Variants in U2SURP observed in about 807,000 individuals in gnomAD.
The protein encoded by U2SURP is U2 snRNP-associated SURP motif-containing protein.
A neutral mutation model predicts 144.9 loss-of-function variants in U2SURP; 9 were observed. That is an observed-to-expected ratio of 0.06 (90% confidence interval 0.04 to 0.11). The LOEUF is 0.11. Among genes scored for constraint, U2SURP ranks in the 10% least tolerant of loss-of-function variants. The probability of loss-of-function intolerance (pLI) is 1.00; values close to 1 mark genes in which losing one functional copy is unlikely to be tolerated. For missense variants in U2SURP, 724 were observed against 1,226.7 expected, an observed-to-expected ratio of 0.59 and a Z score of 6.12; for synonymous variants, 408 against 396.8, an observed-to-expected ratio of 1.03 and a Z score of -0.33.
chr3:143,010,774 A>T, intron 1 of U2SURP, 41 bp from the exon 2 acceptor site: 2 of 1,513,776 alleles, frequency 1.3e-6, no homozygotes, highest in Non-Finnish European at 9.1e-7. Context: ...TGTTAGTATA[A>T]GACATTTTAA....
chr3:143,014,255 A>G (rs1299367930), intron 3 of U2SURP, 56 bp from the exon 4 acceptor site: 1 of 1,205,128 alleles, frequency 8.3e-7, no homozygotes, highest in Non-Finnish European at 1.2e-6. Flanking sequence ...GATGTGTATT[A>G]AAGTTTTAGA....
At chr3:143,047,655 C>T (rs559686626) in intron 24 of U2SURP, among the ~76,000 whole-genome samples, 110 of 41,966 alleles carry the variant, frequency 2.6e-3, no homozygotes, top group East Asian at 2.8e-3. Flanking sequence ...CCGGACGGGG[C>T]GGCTGGCCGG....
intron 26 of U2SURP, 48 bp downstream of exon 26, chr3:143,053,842 C>T: frequency 3.5e-6 from 5 of 1,427,600 alleles, no homozygotes; most frequent in Non-Finnish European, 3.8e-6. Context: ...TCAAGATTTG[C>T]AGTGGTGTTT....
chr3:143,028,689 TG>T, intron 16 of U2SURP, 43 bp downstream of exon 16: 2 of 1,492,582 alleles, frequency 1.3e-6, no homozygotes, highest in Non-Finnish European at 1.8e-6. Flanking sequence ...GAAAAGTAAC[TG>T]TAATGGTTGC....
At position 143,043,672 on chromosome 3, in the gene U2SURP, A is replaced by C. The variant is rs550879072; in HGVS notation, c.2544+396A>C. 1.6e-4 allele frequency among the ~76,000 whole-genome samples: 24 copies of C among 152,086 alleles called. No homozygotes were observed. The South Asian group carries it at 5.0e-3, about 32-fold the overall frequency. On this transcript the variant is annotated intron_variant, in intron 24 of 27. Transcript: ENST00000473835. ...TCATTGTATGTCTAATACATGACAC[A>C]TAGGAGATCCTCTGAAGAAATGGAT...
At chr3:143,043,345 C>T in intron 24 of U2SURP, 69 bp downstream of exon 24, 3 of 1,479,778 alleles carry the variant, frequency 2.0e-6, no homozygotes, top group Non-Finnish European at 2.7e-6. Context: ...ACTAAGTTGC[C>T]TCTTTGCATT....
At chr3:143,017,463 G>A (rs1282786417) in intron 6 of U2SURP, 2 of 151,982 alleles carry the variant, frequency 1.3e-5, no homozygotes, top group East Asian at 1.9e-4. Flanking sequence ...GGAGATGGTA[G>A]ACAGATGTGG....
At chr3:143,013,054 T>G (rs1054716583) in intron 3 of U2SURP, among the ~76,000 whole-genome samples, 2 of 152,140 alleles carry the variant, frequency 1.3e-5, no homozygotes, top group African/African-American at 4.8e-5. Flanking sequence ...GTTATAAATT[T>G]TTTTTCATTT....
chr3:143,040,972 T>C (rs1934071074), intron 23 of U2SURP, among the ~76,000 whole-genome samples: 1 of 151,866 alleles, frequency 6.6e-6, no homozygotes, highest in Non-Finnish European at 1.5e-5. Context: ...TTATGCCATT[T>C]TAATCTGTTT....
chr3:143,033,830 T>C (rs1377156200), intron 18 of U2SURP, among the ~76,000 whole-genome samples: 3 of 152,180 alleles, frequency 2.0e-5, no homozygotes, highest in Non-Finnish European at 2.9e-5. Context: ...AAAAATTGGC[T>C]TACACTTAAG....
At chr3:143,051,614 A>G (rs944607528) in intron 25 of U2SURP, among the ~76,000 whole-genome samples, 1 of 151,138 alleles carries the variant, frequency 6.6e-6, no homozygotes, top group African/African-American at 2.4e-5. Flanking sequence ...AAAAAAAAAA[A>G]AAAAAAAGAA....
chr3:143,045,120 C>T (rs1934354849), intron 24 of U2SURP, among the ~76,000 whole-genome samples: 1 of 152,112 alleles, frequency 6.6e-6, no homozygotes, highest in African/African-American at 2.4e-5. Flanking sequence ...CCTGTAATCC[C>T]AGCACTTTGG....
At position 143,038,039 on chromosome 3, in the gene U2SURP, T is replaced by G. The variant is rs1326114962; in HGVS notation, c.2222-69T>G. On this transcript the variant is annotated intron_variant, in intron 21 of 27. Transcript: ENST00000473835. The stretch of plus-strand genomic sequence containing the variant: ...CTTTGCTTTTTAATAATATGGTGAA[T>G]ACCCATGAATGTAATACTTCGGGTC... 1.7e-5 allele frequency: 18 copies of G among 1,078,028 alleles called. No individual in the cohort carries two copies. The East Asian group carries it at 4.5e-4, about 27-fold the overall frequency. 66.8% of individuals were successfully genotyped at this position (1,078,028 alleles called of 1,614,324 possible).
intron 3 of U2SURP, among the ~76,000 whole-genome samples, chr3:143,013,812 T>C (rs1383071177): frequency 2.0e-5 from 3 of 152,056 alleles, no homozygotes; most frequent in South Asian, 2.1e-4. Flanking sequence ...TTCATAAATA[T>C]CAGTATTATT....
intron 25 of U2SURP, among the ~76,000 whole-genome samples, chr3:143,053,019 A>G (rs1934966992): frequency 6.9e-6 from 1 of 143,990 alleles, no homozygotes; most frequent in South Asian, 2.2e-4. Context: ...TAAAATTTGC[A>G]GTGTAATTGG....
In U2SURP at chr3:143,007,477, GCT is replaced by G. The variant is rs1422172752; in HGVS notation, c.46-3335_46-3334del. Among the ~76,000 whole-genome samples the G allele has an allele frequency of 3.7e-5, 5 of 133,988 alleles. No individual in the cohort carries two copies. The Admixed American group carries it at 4.2e-4, about 11-fold the overall frequency. 87.9% of individuals were successfully genotyped at this position (133,988 alleles called of 152,430 possible). On this transcript the variant is annotated intron_variant, in intron 1 of 27. Coordinates refer to ENST00000473835, the MANE Select transcript of U2SURP (RefSeq NM_001080415.2). ...TTTTTTTTTTTTGAGACAGAGTCTC[GCT>G]CTGTCGCCCAGGCCTGCAGTAGTGC...
In U2SURP at chr3:143,037,452, A is replaced by G. The variant is rs750196052; in HGVS notation, c.2221+117A>G. The G allele has an allele frequency of 1.5e-5, 14 of 962,392 alleles. No individual in the cohort carries two copies. In the African/African-American group the frequency reaches 1.5e-4, roughly 10 times the overall value. 59.6% of individuals were successfully genotyped at this position (962,392 alleles called of 1,614,324 possible). A position where few individuals can be genotyped will look rare whatever the true frequency, so the allele number is the denominator to read the frequency against. ...TAGTTTCTCATGAACGTATCAAGTT[A>G]TTAACTTTTCTATTTCTGATTTTTT... On this transcript the variant is annotated intron_variant, in intron 21 of 27. Transcript: ENST00000473835.
rs1169149999 is a variant in U2SURP, at chr3:143,056,202, A to G, written c.2952-110A>G. 4.4e-6 allele frequency: 5 copies of G among 1,125,048 alleles called. No individual in the cohort carries two copies. The Admixed American group carries it at 1.4e-4, about 31-fold the overall frequency. The allele number at this position is 1,125,048 out of a possible 1,614,324, so 69.7% of individuals were successfully genotyped here. A position where few individuals can be genotyped will look rare whatever the true frequency, so the allele number is the denominator to read the frequency against. On this transcript the variant is annotated intron_variant, in intron 27 of 27. Transcript: ENST00000473835. ...TTTTAGAAGTTCATAGTCTTATTGCAGTGATTTTTCACTGTGCCCTGTTAA... is the reference window on the plus strand; with the variant it reads ...TTTTAGAAGTTCATAGTCTTATTGCGGTGATTTTTCACTGTGCCCTGTTAA...
At chr3:143,013,254 A>G (rs556893299) in intron 3 of U2SURP, among the ~76,000 whole-genome samples, 7 of 152,184 alleles carry the variant, frequency 4.6e-5, no homozygotes, top group Admixed American at 1.3e-4. Flanking sequence ...CACTTGTTTA[A>G]ACTTTTGAAG....
Sources: allele counts gnomAD v4.1 joint callset (sites outside exome capture counted in the v4.1 genomes callset), GRCh38; gene constraint gnomAD v4.1.1; transcripts MANE v1.5; gene names NCBI Gene and HGNC (gene_info 2026-07-23, HGNC 2026-07-21).